Variants in BIRC6 observed in about 807,000 individuals in gnomAD.
BIRC6 encodes the protein dual E2 ubiquitin-conjugating enzyme/E3 ubiquitin-protein ligase BIRC6.
BIRC6 carries 98 observed loss-of-function variants against 503.3 expected under a neutral mutation model. The observed-to-expected ratio is 0.19, with a 90% CI of 0.17 to 0.23. BIRC6 has a LOEUF of 0.23. Among genes scored for constraint, BIRC6 ranks in the 10% least tolerant of loss-of-function variants. The pLI is 1.00. For synonymous variants in BIRC6, 2,240 were observed against 2,078.7 expected (o/e 1.08, Z -2.11); for missense variants, 5,360 against 5,806.0 (o/e 0.92, Z 2.50).
In BIRC6 at chr2:32,485,648, G is replaced by C; in HGVS notation, c.7702G>C (p.Asp2568His). ...CTTTCAATTGCTTTTTGTAGCCCTG[G>C]ATGCTCGCCTAGAAGTTGGACTTGA... ...TVSVSVSQAL[D>H]ARLEVGLEQQ... The change falls in exon 40 of 74, where the codon GAT becomes CAT. Residue 2568 changes from aspartate (D) to histidine (H), a missense_variant. This residue lies in a region of BIRC6 where 2,299 missense variants were observed against 2,267.2 expected (regional missense o/e 1.01). Transcript: ENST00000421745. 1 of 1,610,008 alleles carries C rather than the reference G, an allele frequency of 6.2e-7. No homozygotes were observed. Among genetic ancestry groups the C allele is most frequent in the Non-Finnish European group, 8.5e-7 (1 of 1,176,714 alleles).
chr2:32,494,272 G>C (rs1294044640), intron 45 of BIRC6, among the ~76,000 whole-genome samples: 2 of 151,100 alleles, frequency 1.3e-5, no homozygotes, highest in Non-Finnish European at 2.9e-5. Flanking sequence ...TCTGTCGCCA[G>C]GCTGGAGTGC....
chr2:32,381,644 C>G (rs1039283489), intron 3 of BIRC6, among the ~76,000 whole-genome samples: 1 of 150,270 alleles, frequency 6.7e-6, no homozygotes, highest in Admixed American at 6.7e-5. Context: ...CTCGTGGATT[C>G]AAGCTATTCT....
chr2:32,370,153 G>A (rs2035723613), intron 1 of BIRC6, among the ~76,000 whole-genome samples: 1 of 151,346 alleles, frequency 6.6e-6, no homozygotes, highest in Non-Finnish European at 1.5e-5. Flanking sequence ...GACGTTGAGA[G>A]ATATAACTGT....
chr2:32,380,306 AT>A lies in BIRC6; in HGVS notation c.645+18del. The A allele has an allele frequency of 6.3e-7, 1 of 1,579,600 alleles. No individual in the cohort carries two copies. Among genetic ancestry groups the A allele is most frequent in the Non-Finnish European group, 8.5e-7 (1 of 1,169,678 alleles). On this transcript the variant is annotated intron_variant, in intron 3 of 73. Coordinates refer to ENST00000421745, the MANE Select transcript of BIRC6 (RefSeq NM_016252.4). ...AGTTGCTAAGGTAAGAAGTTAATAGATTGCCTCTTTTGGGGTTATATTACAA... is the reference window on the plus strand; with the variant it reads ...AGTTGCTAAGGTAAGAAGTTAATAGATGCCTCTTTTGGGGTTATATTACAA...
intron 62 of BIRC6, among the ~76,000 whole-genome samples, chr2:32,544,022 G>A (rs1195741723): frequency 6.6e-6 from 1 of 152,138 alleles, no homozygotes; most frequent in East Asian, 1.9e-4. Flanking sequence ...ATTAGATTTA[G>A]GTTGGGATGA....
chr2:32,403,998 G>T (rs2040896370), intron 8 of BIRC6, among the ~76,000 whole-genome samples: 1 of 151,008 alleles, frequency 6.6e-6, no homozygotes, highest in Non-Finnish European at 1.5e-5. Flanking sequence ...CGCAATCTTG[G>T]CTCACAGCAA....
chr2:32,427,604 A>T (rs2043666784), intron 10 of BIRC6, among the ~76,000 whole-genome samples: 1 of 152,060 alleles, frequency 6.6e-6, no homozygotes, highest in Admixed American at 6.6e-5. Context: ...TTTTAAAAAT[A>T]TTTTTGTTTG....
In BIRC6 at chr2:32,598,549, G is replaced by A. The variant is rs116326495; in HGVS notation, c.13830+581G>A. Among the ~76,000 whole-genome samples the A allele has an allele frequency of 8.0e-3, 1,211 of 152,036 alleles. 8 individuals carry two copies. Among genetic ancestry groups the A allele is most frequent in the Middle Eastern group, 0.02 (6 of 294 alleles). Reference sequence around the variant, plus strand: ...TAATCTCTACTTTTATGTTTAACACGTGATAATCTGGCCTTAAATTCCAAG... The same window carrying A: ...TAATCTCTACTTTTATGTTTAACACATGATAATCTGGCCTTAAATTCCAAG... On this transcript the variant is annotated intron_variant, in intron 69 of 73. Transcript: ENST00000421745.
chr2:32,513,229 T>G (rs979241259), intron 54 of BIRC6, 75 bp downstream of exon 54: 19 of 1,041,196 alleles, frequency 1.8e-5, no homozygotes, highest in Admixed American at 4.7e-5. Flanking sequence ...AAACAAAATA[T>G]TTTACATGTT....
chr2:32,437,284 A>G (rs1201881407), intron 15 of BIRC6, among the ~76,000 whole-genome samples: 1 of 152,180 alleles, frequency 6.6e-6, no homozygotes, highest in African/African-American at 2.4e-5. Flanking sequence ...GTTTTGAGAT[A>G]ATGGGCTATC....
In BIRC6 at chr2:32,357,227, G is replaced by A; in HGVS notation, c.66G>A (p.Val22=). 1 of 1,530,806 alleles carries A rather than the reference G, an allele frequency of 6.5e-7. No individual in the cohort carries two copies. Among genetic ancestry groups the A allele is most frequent in the South Asian group, 1.2e-5 (1 of 82,342 alleles). The allele number at this position is 1,530,806 out of a possible 1,614,324, so 94.8% of individuals were successfully genotyped here. The part of the protein sequence containing the change: ...TVTEPLPSVI[V]LSAGRKMAAA... ...CTGAGCCGCTTCCCAGTGTGATTGT[G>A]CTGAGCGCAGGCCGGAAGATGGCGG... The change falls in exon 1 of 74, where the codon GTG becomes GTA. Residue 22 remains valine, a synonymous_variant. Coordinates refer to ENST00000421745, the MANE Select transcript of BIRC6 (RefSeq NM_016252.4). This position sits in a 1 kb window ranked among gnomAD's most constrained non-coding sequence, Gnocchi z 4.9.
chr2:32,442,030 G>C (rs750150429), intron 17 of BIRC6, 35 bp from the exon 18 acceptor site: 1 of 1,437,366 alleles, frequency 7.0e-7, no homozygotes, highest in African/African-American at 1.4e-5. Flanking sequence ...GTTCTGTTTT[G>C]TTTGGTAATG....
At chr2:32,573,990 C>CT (rs976974349) in intron 65 of BIRC6, among the ~76,000 whole-genome samples, 3 of 151,552 alleles carry the variant, frequency 2.0e-5, no homozygotes, top group African/African-American at 7.3e-5. Flanking sequence ...TGATACTTTA[C>CT]TTTTTTTTGT....
chr2:32,498,254 G>A (rs935614766), intron 45 of BIRC6, among the ~76,000 whole-genome samples: 11 of 152,038 alleles, frequency 7.2e-5, no homozygotes, highest in Admixed American at 3.3e-4. Context: ...TTTTGTAGGC[G>A]TAGTTTCACC....
intron 57 of BIRC6, among the ~76,000 whole-genome samples, chr2:32,519,967 T>C (rs1479469366): frequency 2.0e-5 from 3 of 152,178 alleles, no homozygotes; most frequent in Admixed American, 6.5e-5. Context: ...CCTCACAAGA[T>C]AGTTGTGATC....
At chr2:32,548,836 A>G (rs1473781272) in intron 64 of BIRC6, 2 of 152,318 alleles carry the variant, frequency 1.3e-5, no homozygotes, top group Non-Finnish European at 2.9e-5. Context: ...AAGTTGGACA[A>G]GAATAGAAAG....
At chr2:32,577,512 T>C (rs926479933) in intron 66 of BIRC6, among the ~76,000 whole-genome samples, 6 of 152,158 alleles carry the variant, frequency 3.9e-5, no homozygotes, top group Non-Finnish European at 8.8e-5. Context: ...CAGTAAATAA[T>C]AATATCCTTC....
chr2:32,565,090 C>T (rs2059440827), intron 65 of BIRC6: 2 of 152,226 alleles, frequency 1.3e-5, no homozygotes, highest in South Asian at 4.1e-4. Flanking sequence ...AGAGTATGTA[C>T]CAGTTTCACT....
At chr2:32,528,788 T>A (rs1339416046) in intron 59 of BIRC6, 1 of 152,176 alleles carries the variant, frequency 6.6e-6, no homozygotes, top group Non-Finnish European at 1.5e-5. Context: ...CAAACTTTAT[T>A]ACAGGCACAA....
Sources: allele counts gnomAD v4.1 joint callset (sites outside exome capture counted in the v4.1 genomes callset), GRCh38; gene constraint gnomAD v4.1.1; regional missense constraint gnomAD v4.1.1; non-coding constraint Gnocchi (gnomAD v3.1); transcripts MANE v1.5; gene names NCBI Gene and HGNC (gene_info 2026-07-23, HGNC 2026-07-21).